SLC13A1: variants seen among roughly 807,000 people sequenced by gnomAD.
SLC13A1 encodes the protein Na(+)/sulfate cotransporter.
In SLC13A1, 65 loss-of-function variants were observed where a neutral mutation model predicts 70.0. The observed-to-expected ratio is 0.93, with a 90% CI of 0.76 to 1.14. The LOEUF is 1.14. Among genes scored for constraint, SLC13A1 ranks in the 50% most tolerant of loss-of-function variants. SLC13A1 has a pLI of 0.00. For synonymous variants in SLC13A1, 275 were observed against 250.5 expected (o/e 1.10, Z -0.92); for missense variants, 726 against 717.8 (o/e 1.01, Z -0.13).
chr7:123,149,474 C>T (rs151046959), intron 6 of SLC13A1: 27 of 456,490 alleles, frequency 5.9e-5, no homozygotes, highest in Non-Finnish European at 1.1e-4. Context: ...TCCCTTCTTT[C>T]GACTGTGATG....
At chr7:123,167,238 C>G (rs1795107045) in intron 6 of SLC13A1, among the ~76,000 whole-genome samples, 1 of 152,084 alleles carries the variant, frequency 6.6e-6, no homozygotes, top group Admixed American at 6.6e-5. Flanking sequence ...AAGCCCATTT[C>G]TAATGTATTA....
intron 13 of SLC13A1, 58 bp from the exon 14 acceptor site, chr7:123,117,666 A>C: frequency 7.2e-6 from 2 of 278,748 alleles, no homozygotes; most frequent in East Asian, 1.3e-4. Context: ...CACGAAACAT[A>C]AAAAAAAAAA....
At chr7:123,159,401 A>G (rs1040249794) in intron 6 of SLC13A1, among the ~76,000 whole-genome samples, 1 of 152,134 alleles carries the variant, frequency 6.6e-6, no homozygotes, top group Non-Finnish European at 1.5e-5. Context: ...TTTCTACTGC[A>G]TGTGCACAGA....
At chr7:123,174,117 T>C (rs1795368790) in intron 2 of SLC13A1, among the ~76,000 whole-genome samples, 1 of 152,080 alleles carries the variant, frequency 6.6e-6, no homozygotes, top group South Asian at 2.1e-4. Flanking sequence ...CCTTGTTTTA[T>C]CCATCCAATG....
intron 1 of SLC13A1, among the ~76,000 whole-genome samples, chr7:123,189,070 C>A (rs1327454544): frequency 1.4e-5 from 2 of 143,448 alleles, no homozygotes; most frequent in Non-Finnish European, 1.5e-5. Context: ...AGCCGAGATC[C>A]CGCCACTGCA....
At chr7:123,190,353 C>T (rs912487707) in intron 1 of SLC13A1, 79 of 331,274 alleles carry the variant, frequency 2.4e-4, no homozygotes, top group Non-Finnish European at 4.0e-4. Context: ...CTGGGGATTT[C>T]CAGGAGACAA....
At chr7:123,179,236 A>G (rs1585388015) in intron 2 of SLC13A1, among the ~76,000 whole-genome samples, 1 of 152,216 alleles carries the variant, frequency 6.6e-6, no homozygotes, top group African/African-American at 2.4e-5. Flanking sequence ...TTAATGAGTC[A>G]GTGATTGAGT....
Position 123,117,505 on chromosome 7 carries a change from A to G in SLC13A1, c.1616T>C (p.Val539Ala). 6.2e-7 allele frequency: 1 copy of G among 1,613,592 alleles called. No homozygotes were observed. Among genetic ancestry groups the G allele is most frequent in the South Asian group, 1.1e-5 (1 of 91,056 alleles). Residue 539 changes from valine to alanine, a missense_variant, in exon 14 of 15, where the codon GTC becomes GCC. Coordinates refer to ENST00000194130, the MANE Select transcript of SLC13A1 (RefSeq NM_022444.4). ...LPVANPPNAI[V>A]FSYGHLKVID... is the part of the protein sequence containing the mutation. ...GACTTTCAGATGACCATATGAAAAG[A>G]CAATAGCATTGGGTGGATTTGCTAC...
At position 123,195,228 on chromosome 7, in the gene SLC13A1, T is replaced by A. The variant is rs573573738; in HGVS notation, c.99+4620A>T. Among the ~76,000 whole-genome samples the A allele has an allele frequency of 5.3e-5, 8 of 152,226 alleles. No homozygotes were observed. In the East Asian group the frequency reaches 1.4e-3, roughly 26 times the overall value. ...ACATTGCTATTAGCATTATTTCTATTTTTTTCCTTGTTCTTCATCATTTCT... is the reference window on the plus strand; with the variant it reads ...ACATTGCTATTAGCATTATTTCTATATTTTTCCTTGTTCTTCATCATTTCT... On this transcript the variant is annotated intron_variant, in intron 1 of 14. Coordinates refer to ENST00000194130, the MANE Select transcript of SLC13A1 (RefSeq NM_022444.4).
intron 2 of SLC13A1, among the ~76,000 whole-genome samples, chr7:123,178,017 T>TTCTTTCTCTCTCTCTCTC (rs1554553463): frequency 6.7e-5 from 10 of 149,028 alleles, no homozygotes; most frequent in African/African-American, 2.5e-4. Context: ...ATCTCTCTCT[T>TTCTTTCTCTCTCTCTCTC]TCTCTCTCTC....
chr7:123,184,281 A>G (rs927093001), intron 1 of SLC13A1, among the ~76,000 whole-genome samples: 1 of 152,142 alleles, frequency 6.6e-6, no homozygotes, highest in Non-Finnish European at 1.5e-5. Flanking sequence ...CTTTGTGCTG[A>G]GAACACTTTA....
At chr7:123,153,942 G>C (rs1177178862) in intron 6 of SLC13A1, among the ~76,000 whole-genome samples, 1 of 151,958 alleles carries the variant, frequency 6.6e-6, no homozygotes, top group Non-Finnish European at 1.5e-5. Flanking sequence ...GAGCTTAGTG[G>C]TATCTTCCAC....
intron 7 of SLC13A1, among the ~76,000 whole-genome samples, chr7:123,142,660 G>GAGTCTTTCTCTATTGCCC (rs140530822): frequency 1.5e-5 from 2 of 132,690 alleles, no homozygotes; most frequent in Non-Finnish European, 3.2e-5. Flanking sequence ...TTTTTTGATG[G>GAGTCTTTCTCTATTGCCC]AGGCTGGAGT....
At position 123,122,402 on chromosome 7, in the gene SLC13A1, A is replaced by G. The variant is rs547046464; in HGVS notation, c.1350+724T>C. 2.0e-5 allele frequency among the ~76,000 whole-genome samples: 3 copies of G among 152,238 alleles called. No homozygotes were observed. In the South Asian group the frequency reaches 6.2e-4, roughly 32 times the overall value. ...ATGAAAACCAGAATGAGTGGTTTTAATTAATCTAGGAGTAATTAATTTTCA... is the reference window on the plus strand; with the variant it reads ...ATGAAAACCAGAATGAGTGGTTTTAGTTAATCTAGGAGTAATTAATTTTCA... On this transcript the variant is annotated intron_variant, in intron 12 of 14. Transcript: ENST00000194130.
chr7:123,191,748 T>C (rs1796003100), intron 1 of SLC13A1, among the ~76,000 whole-genome samples: 1 of 152,136 alleles, frequency 6.6e-6, no homozygotes, highest in Non-Finnish European at 1.5e-5. Flanking sequence ...GGGGTAGATA[T>C]TGTAATTCCA....
intron 7 of SLC13A1, among the ~76,000 whole-genome samples, chr7:123,142,193 C>T (rs570662436): frequency 6.6e-6 from 1 of 152,270 alleles, no homozygotes; most frequent in Non-Finnish European, 1.5e-5. Context: ...TTTCCAAAGG[C>T]AGTGAAAGCT....
chr7:123,127,233 T>C (rs777765076), intron 10 of SLC13A1, among the ~76,000 whole-genome samples: 3 of 152,112 alleles, frequency 2.0e-5, no homozygotes, highest in Non-Finnish European at 4.4e-5. Flanking sequence ...TCCTTTCTTA[T>C]TGTTTTCTCT....
chr7:123,153,074 A>G (rs1387584055), intron 6 of SLC13A1, among the ~76,000 whole-genome samples: 1 of 152,094 alleles, frequency 6.6e-6, no homozygotes. Context: ...AAATATAAAT[A>G]AAGAAAAAAT....
At chr7:123,150,923 A>G (rs1280270828) in intron 6 of SLC13A1, among the ~76,000 whole-genome samples, 1 of 151,978 alleles carries the variant, frequency 6.6e-6, no homozygotes, top group Admixed American at 6.6e-5. Flanking sequence ...CTCCTTTAAA[A>G]ATATCTTATT....
Sources: allele counts gnomAD v4.1 joint callset (sites outside exome capture counted in the v4.1 genomes callset), GRCh38; gene constraint gnomAD v4.1.1; transcripts MANE v1.5; gene names NCBI Gene and HGNC (gene_info 2026-07-23, HGNC 2026-07-21).